The following PRR5 variants were observed in gnomAD, a reference collection of about 807,000 sequenced individuals.
The protein encoded by PRR5 is proline-rich protein 5.
PRR5 carries 25 observed loss-of-function variants against 30.6 expected under a neutral mutation model. The ratio of observed to expected loss-of-function variants is 0.82; its 90% CI spans 0.60 to 1.14. The LOEUF is 1.14. Ranked by LOEUF, PRR5 falls within the 50% of genes most tolerant of loss-of-function variation. The pLI is 0.00. For missense variants in PRR5, 600 were observed against 547.1 expected (o/e 1.10, Z -0.96); for synonymous variants, 286 against 247.1 (o/e 1.16, Z -1.48).
At chr22:44,718,192 C>CTTTTTTTTTTTTTTTTT (rs34868054) in intron 2 of PRR5, among the ~76,000 whole-genome samples, 3 of 94,578 alleles carry the variant, frequency 3.2e-5, no homozygotes, top group African/African-American at 8.5e-5. Context: ...TTTCATCTCT[C>CTTTTTTTTTTTTTTTTT]TTTTTTTTTT....
intron 1 of PRR5, 68 bp downstream of exon 1, chr22:44,702,676 C>T (rs1336872882): frequency 1.6e-6 from 2 of 1,242,936 alleles, no homozygotes; most frequent in Non-Finnish European, 2.0e-6. Context: ...GAGCCGTCCG[C>T]GGGCTAGGGG....
At chr22:44,727,236 C>G (rs571030677) in intron 4 of PRR5, among the ~76,000 whole-genome samples, 30 of 152,108 alleles carry the variant, frequency 2.0e-4, no homozygotes, top group Admixed American at 1.7e-3. Context: ...CCCGGAGGTC[C>G]CCGCTGGCCT....
intron 1 of PRR5, among the ~76,000 whole-genome samples, chr22:44,702,881 G>A (rs1282132600): frequency 2.0e-5 from 3 of 152,226 alleles, no homozygotes; most frequent in Admixed American, 1.3e-4. Flanking sequence ...GGGGTGGGCC[G>A]GGAAGCCGCG....
intron 1 of PRR5, among the ~76,000 whole-genome samples, chr22:44,670,950 C>G (rs772424822): frequency 6.6e-6 from 1 of 152,172 alleles, no homozygotes; most frequent in Non-Finnish European, 1.5e-5. Context: ...ACAGAGCTCT[C>G]GTGAGACTCC....
intron 1 of PRR5, among the ~76,000 whole-genome samples, chr22:44,684,078 G>C (rs1165919983): frequency 1.3e-5 from 2 of 152,178 alleles, no homozygotes; most frequent in Non-Finnish European, 2.9e-5. Flanking sequence ...GAGGGTCCAG[G>C]AGGGCCCGGG....
At chr22:44,709,823 G>A (rs1042431680) in intron 1 of PRR5, among the ~76,000 whole-genome samples, 7 of 152,172 alleles carry the variant, frequency 4.6e-5, no homozygotes, top group South Asian at 4.1e-4. Context: ...CTGCACTCCA[G>A]CCTAGGTGAC....
intron 7 of PRR5, among the ~76,000 whole-genome samples, chr22:44,736,219 C>A (rs1602109028): frequency 6.6e-6 from 1 of 152,220 alleles, no homozygotes; most frequent in Admixed American, 6.5e-5. Flanking sequence ...CCATTTACAA[C>A]TGCCTGGCTA....
chr22:44,679,859 G>A lies in PRR5; in HGVS notation c.-11+2619G>A, dbSNP rs749207913. 44 of 1,589,720 alleles carry A rather than the reference G, an allele frequency of 2.8e-5. No homozygotes were observed. Among genetic ancestry groups the A allele is most frequent in the South Asian group, 6.9e-5 (6 of 87,308 alleles). On this transcript the variant is annotated intron_variant, in intron 1 of 8. Transcript: ENST00000006251. ...GGGGCTCGGGAAGCCCGGAAAAGAT[G>A]CCGGCGCAGCCTGAGGGCTTGTACA... is the stretch of plus-strand genomic sequence containing the variant.
At chr22:44,713,960 C>T (rs1442099435) in intron 1 of PRR5, among the ~76,000 whole-genome samples, 5 of 152,214 alleles carry the variant, frequency 3.3e-5, no homozygotes, top group Admixed American at 2.0e-4. Flanking sequence ...CCCGCCATCG[C>T]GCCCTGCTGA....
At chr22:44,736,242 A>G (rs1033618044) in intron 7 of PRR5, among the ~76,000 whole-genome samples, 11 of 152,050 alleles carry the variant, frequency 7.2e-5, no homozygotes, top group African/African-American at 2.7e-4. Context: ...GGCTCCCCGC[A>G]TCCCCAGGAT....
intron 4 of PRR5, 39 bp downstream of exon 4, chr22:44,726,673 T>A: frequency 6.2e-7 from 1 of 1,613,756 alleles, no homozygotes; most frequent in Non-Finnish European, 8.5e-7. Flanking sequence ...TGGGCCATGC[T>A]GGGTCCTGGC....
At position 44,737,175 on chromosome 22, in the gene PRR5, T is replaced by G. The variant is rs1157209634; in HGVS notation, c.1095T>G (p.Ile365Met). 6.2e-7 allele frequency: 1 copy of G among 1,612,692 alleles called. No individual in the cohort carries two copies. Among genetic ancestry groups the G allele is most frequent in the South Asian group, 1.1e-5 (1 of 91,084 alleles). The change falls in exon 8 of 8, where the codon ATT (isoleucine) becomes ATG (methionine). Residue 365 changes from isoleucine to methionine, a missense_variant. Ile to Met is a conservative substitution (Grantham distance 10). Transcript: ENST00000336985. ...SVDSDSEGIF[I>M]DFGRGRGSGM... Reference sequence around the variant, plus strand: ...ACTCGGATTCTGAAGGGATTTTCATTGACTTTGGCCGGGGCCGGGGCTCTG... The same window carrying G: ...ACTCGGATTCTGAAGGGATTTTCATGGACTTTGGCCGGGGCCGGGGCTCTG...
chr22:44,734,987 G>C lies in PRR5; in HGVS notation c.556-40G>C, dbSNP rs202067777. 252 of 1,589,220 alleles carry C rather than the reference G, an allele frequency of 1.6e-4. 3 individuals carry two copies. The East Asian group carries it at 5.4e-3, about 34-fold the overall frequency. On this transcript the variant is annotated intron_variant, in intron 6 of 7. Coordinates refer to ENST00000336985, the MANE Select transcript of PRR5 (RefSeq NM_181333.4). ...TTGAGAGCCTGGAGCCACCAAGCTCGGGTGCATGACCCCCTACCCCCTGCC... is the reference window on the plus strand; with the variant it reads ...TTGAGAGCCTGGAGCCACCAAGCTCCGGTGCATGACCCCCTACCCCCTGCC...
intron 1 of PRR5, among the ~76,000 whole-genome samples, chr22:44,690,147 G>A (rs1416440060): frequency 6.6e-6 from 1 of 152,138 alleles, no homozygotes; most frequent in Non-Finnish European, 1.5e-5. Flanking sequence ...CAGGGATGCG[G>A]GGGCAGGTGA....
chr22:44,702,845 C>A (rs1427715788), intron 1 of PRR5, among the ~76,000 whole-genome samples: 1 of 152,186 alleles, frequency 6.6e-6, no homozygotes, highest in Non-Finnish European at 1.5e-5. Flanking sequence ...CGGGGCTGGC[C>A]CAGAAGCGCC....
rs200176020 is a variant in PRR5 at position 44,736,758 on chromosome 22, G to A, written c.692-14G>A. The A allele has an allele frequency of 1.6e-4, 240 of 1,532,202 alleles. No homozygotes were observed. Among genetic ancestry groups the A allele is most frequent in the East Asian group, 8.2e-4 (36 of 43,940 alleles). The allele number at this position is 1,532,202 out of a possible 1,614,324, so 94.9% of individuals were successfully genotyped here. On this transcript the variant is annotated splice_polypyrimidine_tract_variant and intron_variant, in intron 7 of 7. Coordinates refer to ENST00000336985, the MANE Select transcript of PRR5 (RefSeq NM_181333.4). ...GGTGGCCTCTGGTGTGACAGTGCCCGTGTCTCTCCCCAGAAAAGCGCCTCC... is the reference window on the plus strand; with the variant it reads ...GGTGGCCTCTGGTGTGACAGTGCCCATGTCTCTCCCCAGAAAAGCGCCTCC...
intron 1 of PRR5, among the ~76,000 whole-genome samples, chr22:44,703,544 G>A (rs1926708396): frequency 6.6e-6 from 1 of 152,146 alleles, no homozygotes; most frequent in African/African-American, 2.4e-5. Context: ...CTCTTCAAAC[G>A]TGGTCTCTTC....
At chr22:44,715,042 G>A (rs1382741640) in intron 2 of PRR5, among the ~76,000 whole-genome samples, 1 of 152,222 alleles carries the variant, frequency 6.6e-6, no homozygotes, top group Non-Finnish European at 1.5e-5. Context: ...TAAAGAGGAA[G>A]GACCCACCTG....
chr22:44,687,065 A>G (rs1569068299), intron 1 of PRR5, among the ~76,000 whole-genome samples: 1 of 152,190 alleles, frequency 6.6e-6, no homozygotes, highest in Non-Finnish European at 1.5e-5. Context: ...TGTGTTGTGT[A>G]ATTTGGGATC....
Sources: allele counts gnomAD v4.1 joint callset (sites outside exome capture counted in the v4.1 genomes callset), GRCh38; gene constraint gnomAD v4.1.1; transcripts MANE v1.5; gene names NCBI Gene and HGNC (gene_info 2026-07-23, HGNC 2026-07-21).